Variants in EYS observed in about 807,000 individuals in gnomAD.
EYS encodes the protein protein eyes shut homolog.
Under a neutral mutation model 282.1 loss-of-function variants are expected in EYS, and 250 were observed. The ratio of observed to expected loss-of-function variants is 0.89; its 90% CI spans 0.80 to 0.98. The LOEUF is 0.98. Ranked by LOEUF, EYS falls within the 50% of genes least tolerant of loss-of-function variation. The pLI, the probability that EYS is intolerant of heterozygous loss-of-function variation, is 0.00. For missense variants in EYS, 4,016 were observed against 3,709.0 expected (o/e 1.08, Z -2.15); for synonymous variants, 1,355 against 1,282.9 (o/e 1.06, Z -1.20).
At chr6:63,854,351 G>T (rs1772336843) in intron 36 of EYS, among the ~76,000 whole-genome samples, 1 of 152,062 alleles carries the variant, frequency 6.6e-6, no homozygotes, top group African/African-American at 2.4e-5. Context: ...AACTAACACA[G>T]GAACAGAAAA....
chr6:64,848,593 C>T (rs1473462796), intron 19 of EYS, among the ~76,000 whole-genome samples: 3 of 151,914 alleles, frequency 2.0e-5, no homozygotes, highest in Non-Finnish European at 4.4e-5. Context: ...TAGTTTGTTT[C>T]CAATGAGAAT....
At chr6:64,403,764 T>A (rs1381431390) in intron 28 of EYS, among the ~76,000 whole-genome samples, 1 of 152,096 alleles carries the variant, frequency 6.6e-6, no homozygotes, top group Non-Finnish European at 1.5e-5. Flanking sequence ...CTTCCTCAGA[T>A]CAGCAAGAAC....
chr6:64,982,206 G>C (rs1473940613), intron 14 of EYS, among the ~76,000 whole-genome samples: 1 of 151,116 alleles, frequency 6.6e-6, no homozygotes, highest in Non-Finnish European at 1.5e-5. Flanking sequence ...TTTCATGTTG[G>C]TCAGCCCATT....
intron 41 of EYS, among the ~76,000 whole-genome samples, chr6:63,743,536 G>T (rs1463839317): frequency 1.3e-5 from 2 of 152,124 alleles, no homozygotes; most frequent in African/African-American, 4.8e-5. Flanking sequence ...AAATAGTTTT[G>T]CAGACAGGTT....
In EYS at chr6:65,511,368, A is replaced by T. The variant is rs866750302; in HGVS notation, c.-332-15375T>A. 1.4e-3 allele frequency among the ~76,000 whole-genome samples: 203 copies of T among 149,348 alleles called. 1 individual carries two copies. The highest frequency in any genetic ancestry group is 4.7e-3 in the Admixed American group (71 of 15,048). ...GTGTGTGTGTGTGTGTGTGTGTGTG[A>T]GAGAGAGAGAGAGAGAGAAAAGAGA... On this transcript the variant is annotated intron_variant, in intron 2 of 42. Transcript: ENST00000503581.
intron 33 of EYS, among the ~76,000 whole-genome samples, chr6:64,009,702 A>T (rs1319949777): frequency 6.6e-6 from 1 of 151,868 alleles, no homozygotes; most frequent in Non-Finnish European, 1.5e-5. Context: ...CTTTGTTCCT[A>T]TCCGTATTCT....
chr6:65,398,515 C>A (rs1245589252), intron 7 of EYS, among the ~76,000 whole-genome samples: 2 of 151,298 alleles, frequency 1.3e-5, no homozygotes, highest in African/African-American at 2.4e-5. Flanking sequence ...TTTAAAAATC[C>A]TAGAAAAAAA....
intron 22 of EYS, among the ~76,000 whole-genome samples, chr6:64,802,402 T>G (rs1009937164): frequency 3.3e-5 from 5 of 152,152 alleles, no homozygotes; most frequent in African/African-American, 1.2e-4. Context: ...ACAAGGTTTT[T>G]GAGCGTGTAA....
At chr6:65,676,053 A>G (rs1202668093) in intron 1 of EYS, among the ~76,000 whole-genome samples, 2 of 151,820 alleles carry the variant, frequency 1.3e-5, no homozygotes, top group African/African-American at 2.4e-5. Context: ...AAAACCTAAC[A>G]TACCAAAATT....
chr6:65,093,552 A>C (rs1371352574), intron 12 of EYS, among the ~76,000 whole-genome samples: 4 of 151,912 alleles, frequency 2.6e-5, no homozygotes, highest in Non-Finnish European at 5.9e-5. Flanking sequence ...TACTGTTTGA[A>C]TTTAAGTTGC....
intron 12 of EYS, among the ~76,000 whole-genome samples, chr6:65,130,162 G>A (rs925493524): frequency 6.6e-6 from 1 of 151,696 alleles, no homozygotes; most frequent in Admixed American, 6.6e-5. Context: ...TAGTAGAGGA[G>A]GGAAAGAGAG....
At chr6:64,406,608 A>G (rs1450055890) in intron 28 of EYS, among the ~76,000 whole-genome samples, 1 of 152,114 alleles carries the variant, frequency 6.6e-6, no homozygotes, top group African/African-American at 2.4e-5. Flanking sequence ...ACTTACACAC[A>G]TTTACAAGAA....
chr6:65,470,096 G>A (rs1342836554), intron 5 of EYS, among the ~76,000 whole-genome samples: 2 of 152,116 alleles, frequency 1.3e-5, no homozygotes, highest in South Asian at 2.1e-4. Context: ...TTAAAGGACC[G>A]ATAGCAAGCA....
intron 2 of EYS, among the ~76,000 whole-genome samples, chr6:65,595,673 T>G (rs2149787145): frequency 6.6e-6 from 1 of 151,626 alleles, no homozygotes; most frequent in African/African-American, 2.4e-5. Flanking sequence ...TCAGTTTAGT[T>G]AAATAACGGT....
At position 65,301,796 on chromosome 6, in the gene EYS, C is replaced by A. The variant is rs9453247; in HGVS notation, c.1767-5677G>T. On this transcript the variant is annotated intron_variant, in intron 11 of 42. Transcript: ENST00000503581. Reference sequence around the variant, plus strand: ...CACCCCTAAACTCCCATAATTGGTGCGGATTCCTGTGGGGAAGGCCTATAC... The same window carrying A: ...CACCCCTAAACTCCCATAATTGGTGAGGATTCCTGTGGGGAAGGCCTATAC... Among the ~76,000 whole-genome samples the A allele has an allele frequency of 9.7e-3, 1,474 of 152,250 alleles. 8 individuals carry two copies. Among genetic ancestry groups the A allele is most frequent in the African/African-American group, 0.034 (1,409 of 41,532 alleles).
intron 31 of EYS, among the ~76,000 whole-genome samples, chr6:64,197,196 A>C (rs543894913): frequency 1.3e-5 from 2 of 152,330 alleles, no homozygotes; most frequent in East Asian, 3.9e-4. Context: ...GAAGATAGAT[A>C]ATAATTTCTA....
At chr6:65,688,192 G>A (rs183973600) in intron 1 of EYS, among the ~76,000 whole-genome samples, 7 of 152,110 alleles carry the variant, frequency 4.6e-5, no homozygotes, top group East Asian at 3.9e-4. Flanking sequence ...ATACTACAAG[G>A]CTACAGTAAC....
At chr6:65,618,069 G>A (rs1465684785) in intron 2 of EYS, among the ~76,000 whole-genome samples, 2 of 152,318 alleles carry the variant, frequency 1.3e-5, no homozygotes, top group South Asian at 4.1e-4. Flanking sequence ...TATATACCCA[G>A]TAATGGGATG....
At chr6:64,108,999 GGT>G (rs1288656061) in intron 31 of EYS, among the ~76,000 whole-genome samples, 20 of 152,190 alleles carry the variant, frequency 1.3e-4, no homozygotes, top group Middle Eastern at 3.4e-3. Flanking sequence ...AACAAGTAAA[GGT>G]CACGTAACAC....
Sources: allele counts gnomAD v4.1 joint callset (sites outside exome capture counted in the v4.1 genomes callset), GRCh38; gene constraint gnomAD v4.1.1; transcripts MANE v1.5; gene names NCBI Gene and HGNC (gene_info 2026-07-23, HGNC 2026-07-21).